Variants in FBRSL1 observed in about 807,000 individuals in gnomAD.
FBRSL1 encodes fibrosin like 1.
A neutral mutation model predicts 89.6 loss-of-function variants in FBRSL1; 51 were observed. The observed-to-expected ratio is 0.57, with a 90% CI of 0.45 to 0.72. The LOEUF (loss-of-function observed/expected upper bound fraction) is 0.72. Among genes scored for constraint, FBRSL1 ranks in the 30% least tolerant of loss-of-function variants. The probability of loss-of-function intolerance (pLI) is 0.00; values close to 1 mark genes in which losing one functional copy is unlikely to be tolerated. For synonymous variants in FBRSL1, 779 were observed against 681.1 expected (o/e 1.14, Z -2.24); for missense variants, 1,618 against 1,451.8 (o/e 1.11, Z -1.86).
intron 4 of FBRSL1, among the ~76,000 whole-genome samples, chr12:132,539,152 G>A (rs1329410064): frequency 9.9e-5 from 15 of 151,946 alleles, no homozygotes; most frequent in African/African-American, 2.9e-4. Flanking sequence ...CCCACCCCTC[G>A]GGCTCCATGG....
chr12:132,581,095 G>T, intron 15 of FBRSL1: 11 of 985,464 alleles, frequency 1.1e-5, no homozygotes, highest in Non-Finnish European at 1.3e-5. Context: ...TGAGATAAAG[G>T]CTTCAGGAGT....
At position 132,574,331 on chromosome 12, in the gene FBRSL1, T is replaced by C. The variant is rs758560655; in HGVS notation, c.1612T>C (p.Tyr538His). 2 of 1,548,392 alleles carry C rather than the reference T, an allele frequency of 1.3e-6. No individual in the cohort carries two copies. Among genetic ancestry groups the C allele is most frequent in the Non-Finnish European group, 1.7e-6 (2 of 1,146,018 alleles). Residue 538 changes from tyrosine to histidine, a missense_variant, in exon 13 of 19, where the codon TAC becomes CAC. Coordinates refer to ENST00000680143, the MANE Select transcript of FBRSL1 (RefSeq NM_001367871.1). ...LQKAPGVSDP[Y>H]RAVVKKPGRW... ...CCTGTCTCCACAGGTGTCTGACCCG[T>C]ACCGGGCGGTGGTCAAGGTGAGCAC...
intron 4 of FBRSL1, among the ~76,000 whole-genome samples, chr12:132,532,826 G>A (rs1181845882): frequency 6.6e-6 from 1 of 152,216 alleles, no homozygotes; most frequent in Non-Finnish European, 1.5e-5. Context: ...CGTGTGCTTG[G>A]GGGCATGCCT....
Position 132,576,830 on chromosome 12 carries a change from T to C in FBRSL1, c.1733T>C (p.Val578Ala), listed in dbSNP as rs778704028. 1 of 1,550,628 alleles carries C rather than the reference T, an allele frequency of 6.4e-7. No homozygotes were observed. Among genetic ancestry groups the C allele is most frequent in the South Asian group, 1.2e-5 (1 of 83,986 alleles). The change falls in exon 15 of 19, where the codon GTG becomes GCG. Residue 578 changes from valine (V) to alanine (A), a missense_variant. By Grantham distance (64) the Val-to-Ala change is moderately conservative. Coordinates refer to ENST00000680143, the MANE Select transcript of FBRSL1 (RefSeq NM_001367871.1). ...CAGCTGGACCCCCACAAGCTGGAGGTGGGTGCAAAGCTGGACCTGTTCGGC... is the reference window on the plus strand; with the variant it reads ...CAGCTGGACCCCCACAAGCTGGAGGCGGGTGCAAAGCTGGACCTGTTCGGC... ...EMQLDPHKLE[V>A]GAKLDLFGRP... is the part of the protein sequence containing the mutation.
chr12:132,541,219 C>G (rs1242402683), intron 4 of FBRSL1, among the ~76,000 whole-genome samples: 58 of 133,024 alleles, frequency 4.4e-4, no homozygotes, highest in Middle Eastern at 5.0e-3. Context: ...AATCCACTGT[C>G]AGCCTGGGGG....
At chr12:132,582,743 C>T (rs1018227024) in intron 18 of FBRSL1, among the ~76,000 whole-genome samples, 58 of 152,130 alleles carry the variant, frequency 3.8e-4, no homozygotes, top group African/African-American at 1.3e-3. Context: ...GAAGTCGCTG[C>T]AGGCGGCTCA....
At chr12:132,536,238 G>A (rs2137105134) in intron 4 of FBRSL1, among the ~76,000 whole-genome samples, 1 of 151,730 alleles carries the variant, frequency 6.6e-6, no homozygotes, top group East Asian at 2.0e-4. Flanking sequence ...TGGTGTGAGT[G>A]CACATGTACA....
Position 132,499,214 on chromosome 12 carries a change from A to ATGGTGCCGGGCAGGGG in FBRSL1, c.291+8376_291+8391dup, listed in dbSNP as rs934282642. Among the ~76,000 whole-genome samples, 1 of 151,522 alleles carries ATGGTGCCGGGCAGGGG rather than the reference A, an allele frequency of 6.6e-6. No individual in the cohort carries two copies. The highest frequency in any genetic ancestry group is 1.5e-5 in the Non-Finnish European group (1 of 67,830). ...AGCCTCCAGGGCCGGCCAGGCAGGGATGGTGCCGGGCAGGGGTGGTGCCGG... is the reference window on the plus strand; with the variant it reads ...AGCCTCCAGGGCCGGCCAGGCAGGGATGGTGCCGGGCAGGGGTGGTGCCGGGCAGGGGTGGTGCCGG... On this transcript the variant is annotated intron_variant, in intron 1 of 18. Transcript: ENST00000680143. The surrounding 1 kb of genome is among the most constrained non-coding windows in gnomAD (Gnocchi z 4.3).
chr12:132,512,878 G>C (rs1289782231), intron 2 of FBRSL1, among the ~76,000 whole-genome samples: 1 of 152,236 alleles, frequency 6.6e-6, no homozygotes, highest in African/African-American at 2.4e-5. Context: ...TCAGGACCCA[G>C]AGGGGCTCTC....
At chr12:132,574,292 C>T in intron 12 of FBRSL1, 27 bp from the exon 13 acceptor site, 1 of 1,516,702 alleles carries the variant, frequency 6.6e-7, no homozygotes, top group Non-Finnish European at 8.8e-7. Flanking sequence ...GGGGCCCGGA[C>T]CTCACACTCC....
rs1452980886 is a variant in FBRSL1 at position 132,583,371 on chromosome 12, G to GCCGCCC, written c.2610_2615dup (p.Ala871_Pro872dup). The GCCGCCC allele has an allele frequency of 3.6e-6, 4 of 1,105,254 alleles. No homozygotes were observed. The highest frequency in any genetic ancestry group is 6.5e-5 in the East Asian group (1 of 15,378). 68.5% of individuals were successfully genotyped at this position (1,105,254 alleles called of 1,614,324 possible). On this transcript the variant is annotated inframe_insertion, in exon 19 of 19. Transcript: ENST00000680143. ...GCTGCCACGTCGCGCCTTCCCCGCT[G>GCCGCCC]CCGCCCCCGCCCCGGGCTCCGCCGC...
rs2137875325 is a variant in FBRSL1, at chr12:132,570,378, C to T, written c.1051C>T (p.Leu351=). The change falls in exon 8 of 19, where the codon CTG becomes TTG. Residue 351 remains leucine (L), a synonymous_variant. Coordinates refer to ENST00000680143, the MANE Select transcript of FBRSL1 (RefSeq NM_001367871.1). The part of the protein sequence containing the change: ...APLGLGKHVS[L]SPHGPGPHLS... ...CCTGGGCCTGGGGAAGCACGTGTCGCTGTCGCCACACGGGCCGGGCCCCCA... is the reference window on the plus strand; with the variant it reads ...CCTGGGCCTGGGGAAGCACGTGTCGTTGTCGCCACACGGGCCGGGCCCCCA... 3 of 1,533,908 alleles carry T rather than the reference C, an allele frequency of 2.0e-6. No homozygotes were observed. Among genetic ancestry groups the T allele is most frequent in the Non-Finnish European group, 2.6e-6 (3 of 1,145,402 alleles).
At chr12:132,566,944 G>T (rs1037628291) in intron 5 of FBRSL1, among the ~76,000 whole-genome samples, 5 of 152,250 alleles carry the variant, frequency 3.3e-5, no homozygotes, top group African/African-American at 1.2e-4. Context: ...CGGGAGCATA[G>T]CGAGGTGCCC....
Position 132,525,806 on chromosome 12 carries a change from C to T in FBRSL1, c.562C>T (p.Arg188Trp), listed in dbSNP as rs984478964. The T allele has an allele frequency of 9.9e-5, 153 of 1,549,492 alleles. No individual in the cohort carries two copies. The highest frequency in any genetic ancestry group is 1.2e-4 in the Non-Finnish European group (142 of 1,146,200). ...DDSVLEATSS[R>W]DPLSDSSAHA... ...CAGCGTCCTCGAAGCCACCAGCTCC[C>T]GGGACCCGCTCAGCGATGTGAGTAC... is the stretch of plus-strand genomic sequence containing the variant. Residue 188 changes from arginine (R) to tryptophan (W), a missense_variant, in exon 3 of 19, where the codon CGG (arginine) becomes TGG (tryptophan). Coordinates refer to ENST00000680143, the MANE Select transcript of FBRSL1 (RefSeq NM_001367871.1).
chr12:132,509,728 G>A (rs908682681), intron 2 of FBRSL1: 72 of 1,231,206 alleles, frequency 5.8e-5, no homozygotes, highest in Non-Finnish European at 6.9e-5. Flanking sequence ...CGACCCCTGC[G>A]GCCGTGGGCC....
At chr12:132,557,439 T>C (rs1317397871) in intron 5 of FBRSL1, among the ~76,000 whole-genome samples, 1 of 152,202 alleles carries the variant, frequency 6.6e-6, no homozygotes, top group Non-Finnish European at 1.5e-5. Flanking sequence ...GACCTGCCCC[T>C]GGTTCTGAGT....
intron 6 of FBRSL1, among the ~76,000 whole-genome samples, chr12:132,568,837 C>G (rs747309419): frequency 1.4e-4 from 21 of 152,044 alleles, no homozygotes; most frequent in Non-Finnish European, 2.9e-4. Flanking sequence ...TGTGGAAGGC[C>G]TGGCCCCAGG....
rs372336452 is a variant in FBRSL1 at position 132,581,994 on chromosome 12, G to A, written c.1997-68G>A. On this transcript the variant is annotated intron_variant, in intron 17 of 18. Coordinates refer to ENST00000680143, the MANE Select transcript of FBRSL1 (RefSeq NM_001367871.1). ...CTGGGACCCTTCTAAAACCCCTACC[G>A]GGTTCTCCTGGGGAGTGGCTGGGGA... 7.0e-4 allele frequency: 979 copies of A among 1,394,890 alleles called. 1 individual carries two copies. Among genetic ancestry groups the A allele is most frequent in the Non-Finnish European group, 8.6e-4 (882 of 1,026,956 alleles). 86.4% of individuals were successfully genotyped at this position (1,394,890 alleles called of 1,614,324 possible). A position where few individuals can be genotyped will look rare whatever the true frequency, so the allele number is the denominator to read the frequency against.
At chr12:132,571,503 G>T in intron 9 of FBRSL1, 3 of 1,510,688 alleles carry the variant, frequency 2.0e-6, no homozygotes, top group Non-Finnish European at 2.7e-6. Context: ...TGCCCCCGAC[G>T]CCGCCCGCCG....
Sources: gnomAD v4.1 joint callset for allele counts (sites outside exome capture counted in the v4.1 genomes callset) on GRCh38, gnomAD v4.1.1 for gene constraint, Gnocchi (gnomAD v3.1) non-coding constraint, MANE v1.5 for transcripts, NCBI Gene and HGNC (gene_info 2026-07-23, HGNC 2026-07-21) for gene names.